CSMD1: variants seen among roughly 807,000 people sequenced by gnomAD.
CSMD1 encodes CUB and sushi domain-containing protein 1.
A neutral mutation model predicts 417.5 loss-of-function variants in CSMD1; 213 were observed. The observed-to-expected ratio is 0.51, with a 90% CI of 0.46 to 0.57. The LOEUF (loss-of-function observed/expected upper bound fraction) is 0.57, where lower values mean the gene tolerates loss of function less well. CSMD1 is among the 20% of genes least tolerant of loss of function. The pLI, the probability that CSMD1 is intolerant of heterozygous loss-of-function variation, is 0.00. For missense variants in CSMD1, 6,923 were observed against 4,529.7 expected, an observed-to-expected ratio of 1.53 and a Z score of -15.17; for synonymous variants, 2,862 against 1,736.8, an observed-to-expected ratio of 1.65 and a Z score of -16.11.
intron 3 of CSMD1, among the ~76,000 whole-genome samples, chr8:4,361,904 G>C (rs7814674): frequency 6.6e-6 from 1 of 151,964 alleles, no homozygotes; most frequent in Non-Finnish European, 1.5e-5. Context: ...GCAGTGAGGC[G>C]AGTTCACTCC....
chr8:4,778,761 T>A (rs961932235), intron 1 of CSMD1, among the ~76,000 whole-genome samples: 14 of 152,358 alleles, frequency 9.2e-5, no homozygotes, highest in Middle Eastern at 6.8e-3. Context: ...GCTCTCATAG[T>A]GGTTTGTTTA....
intron 10 of CSMD1, among the ~76,000 whole-genome samples, chr8:3,564,054 G>A (rs1048561163): frequency 1.2e-4 from 19 of 152,038 alleles, no homozygotes; most frequent in African/African-American, 3.9e-4. Flanking sequence ...GGGGGTACAC[G>A]TGATATTTTG....
chr8:4,645,743 A>T (rs985846353), intron 1 of CSMD1, among the ~76,000 whole-genome samples: 1 of 152,102 alleles, frequency 6.6e-6, no homozygotes, highest in Non-Finnish European at 1.5e-5. Flanking sequence ...TTGCAAGAGA[A>T]TTTTACGTGA....
chr8:3,268,419 A>C (rs1032828568), intron 26 of CSMD1, among the ~76,000 whole-genome samples: 1 of 149,632 alleles, frequency 6.7e-6, no homozygotes, highest in Non-Finnish European at 1.5e-5. Context: ...CTCCCGAGTA[A>C]CTGGGACTAC....
chr8:4,266,163 C>A (rs1804214926), intron 3 of CSMD1, among the ~76,000 whole-genome samples: 1 of 104,400 alleles, frequency 9.6e-6, no homozygotes, highest in African/African-American at 2.6e-5. Context: ...CATCTACCAC[C>A]AAAAACCCAG....
intron 7 of CSMD1, among the ~76,000 whole-genome samples, chr8:3,646,119 T>G (rs1455457124): frequency 6.6e-6 from 1 of 151,756 alleles, no homozygotes; most frequent in Non-Finnish European, 1.5e-5. Flanking sequence ...GAGAAAACCT[T>G]TTGAAGAATG....
At chr8:3,974,800 T>A (rs1436392919) in intron 5 of CSMD1, among the ~76,000 whole-genome samples, 1 of 152,108 alleles carries the variant, frequency 6.6e-6, no homozygotes, top group Non-Finnish European at 1.5e-5. Context: ...AATTCACAAT[T>A]TTTTATAAAG....
chr8:4,376,372 T>G (rs1456835556), intron 3 of CSMD1, among the ~76,000 whole-genome samples: 1 of 152,214 alleles, frequency 6.6e-6, no homozygotes, highest in Non-Finnish European at 1.5e-5. Context: ...ATACTTACTG[T>G]GAGTAACCAT....
intron 3 of CSMD1, among the ~76,000 whole-genome samples, chr8:4,305,258 A>G (rs938856464): frequency 7.9e-5 from 12 of 152,178 alleles, no homozygotes; most frequent in African/African-American, 2.9e-4. Context: ...TAAATCGGCC[A>G]TTTCCAATGC....
intron 3 of CSMD1, among the ~76,000 whole-genome samples, chr8:4,181,958 G>GTGTGTGTA (rs774039525): frequency 1.5e-4 from 1 of 6,752 alleles, no homozygotes; most frequent in Non-Finnish European, 0.011. Context: ...CTGTGTCTGC[G>GTGTGTGTA]TGTGTGTGTG....
intron 7 of CSMD1, among the ~76,000 whole-genome samples, chr8:3,687,482 A>T (rs776219997): frequency 6.6e-6 from 1 of 152,198 alleles, no homozygotes; most frequent in Non-Finnish European, 1.5e-5. Context: ...AAACAGTAAG[A>T]TCTATTTACA....
intron 5 of CSMD1, among the ~76,000 whole-genome samples, chr8:3,925,101 T>C (rs1458055572): frequency 6.6e-6 from 1 of 152,198 alleles, no homozygotes; most frequent in Non-Finnish European, 1.5e-5. Flanking sequence ...TATTCTTTCT[T>C]ACCAGTCAGT....
At chr8:3,175,085 T>A (rs1461903425) in intron 37 of CSMD1, among the ~76,000 whole-genome samples, 1 of 152,168 alleles carries the variant, frequency 6.6e-6, no homozygotes, top group Non-Finnish European at 1.5e-5. Flanking sequence ...TGTTAATAAT[T>A]GCAAAATATA....
intron 3 of CSMD1, among the ~76,000 whole-genome samples, chr8:4,410,707 G>T (rs189695133): frequency 1.3e-5 from 2 of 152,154 alleles, no homozygotes. Flanking sequence ...AAAAATCTTG[G>T]GAGAGAAGTA....
intron 5 of CSMD1, among the ~76,000 whole-genome samples, chr8:3,935,747 G>T (rs964633826): frequency 6.6e-6 from 1 of 152,084 alleles, no homozygotes; most frequent in Non-Finnish European, 1.5e-5. Context: ...TCGCTATTCC[G>T]TGAGACACAG....
In CSMD1 at chr8:3,190,046, G is replaced by A. The variant is rs1333266850; in HGVS notation, c.5264C>T (p.Ser1755Phe). The change falls in exon 34 of 70, where the codon TCT becomes TTT. Residue 1755 changes from serine (S) to phenylalanine (F), a missense_variant. Physicochemically the swap from Ser to Phe is radical, Grantham distance 155. Transcript: ENST00000635120. ...PEPRYGRRIG[S>F]EFSAGSIVRF... ...GACGATGGAGCCGGCAGAAAACTCA[G>A]AACCAATTCTCCTTCCGTATCTGGG... The A allele has an allele frequency of 1.3e-6, 2 of 1,595,904 alleles. No homozygotes were observed. The highest frequency in any genetic ancestry group is 4.5e-5 in the East Asian group (2 of 44,132).
chr8:4,185,457 A>G (rs1295338337), intron 3 of CSMD1, among the ~76,000 whole-genome samples: 1 of 152,166 alleles, frequency 6.6e-6, no homozygotes, highest in Non-Finnish European at 1.5e-5. Context: ...TAAAAACAGC[A>G]TACACCATAC....
At chr8:4,001,057 G>GA (rs5889008) in intron 4 of CSMD1, among the ~76,000 whole-genome samples, 103,957 of 150,082 alleles carry the variant, frequency 0.69, 36,017 homozygotes, top group South Asian at 0.79. Flanking sequence ...ATAAAAAAAG[G>GA]AAAAAAAAAA....
intron 6 of CSMD1, among the ~76,000 whole-genome samples, chr8:3,736,420 A>T (rs1337801791): frequency 6.6e-6 from 1 of 152,060 alleles, no homozygotes; most frequent in Non-Finnish European, 1.5e-5. Context: ...ATGTAAAAAA[A>T]AAAATGTAGC....
Sources: allele counts gnomAD v4.1 joint callset (sites outside exome capture counted in the v4.1 genomes callset), GRCh38; gene constraint gnomAD v4.1.1; transcripts MANE v1.5; gene names NCBI Gene and HGNC (gene_info 2026-07-23, HGNC 2026-07-21).